Variants in BMPER observed in about 807,000 individuals in gnomAD.
BMPER encodes the protein BMP binding endothelial regulator.
A neutral mutation model predicts 87.3 loss-of-function variants in BMPER; 45 were observed. That is an observed-to-expected ratio of 0.52 (90% CI 0.41 to 0.66). The LOEUF is 0.66. BMPER is among the 30% of genes least tolerant of loss of function. The pLI, the probability that BMPER is intolerant of heterozygous loss-of-function variation, is 0.00. For missense variants in BMPER, 784 were observed against 867.5 expected (o/e 0.90, Z 1.21); for synonymous variants, 326 against 316.2 (o/e 1.03, Z -0.33).
chr7:33,973,106 C>G (rs1361573974), intron 5 of BMPER, among the ~76,000 whole-genome samples: 2 of 152,128 alleles, frequency 1.3e-5, no homozygotes, highest in Non-Finnish European at 2.9e-5. Context: ...TCATTGGGCT[C>G]TTTGCTCAGG....
At chr7:34,149,428 A>T (rs1791114320) in intron 14 of BMPER, among the ~76,000 whole-genome samples, 2 of 152,180 alleles carry the variant, frequency 1.3e-5, no homozygotes, top group Non-Finnish European at 2.9e-5. Flanking sequence ...ACCTATTTGA[A>T]GTGGGGGACA....
At chr7:34,148,255 G>C (rs1203039742) in intron 14 of BMPER, among the ~76,000 whole-genome samples, 2 of 152,090 alleles carry the variant, frequency 1.3e-5, no homozygotes, top group South Asian at 4.1e-4. Flanking sequence ...AATCAAGTTT[G>C]CTCACTTGAT....
intron 10 of BMPER, 77 bp downstream of exon 10, chr7:34,058,240 T>C (rs1788336398): frequency 1.5e-6 from 2 of 1,353,920 alleles, no homozygotes; most frequent in Non-Finnish European, 2.1e-6. Context: ...GCATGCCATC[T>C]TCCGAACACA....
intron 2 of BMPER, among the ~76,000 whole-genome samples, chr7:33,936,151 C>G (rs535833688): frequency 1.3e-5 from 2 of 152,178 alleles, no homozygotes; most frequent in Non-Finnish European, 2.9e-5. Context: ...ATACTGGGTA[C>G]ACTTGAGAAT....
intron 6 of BMPER, among the ~76,000 whole-genome samples, chr7:34,028,612 T>TG (rs1787436157): frequency 8.0e-6 from 1 of 124,620 alleles, no homozygotes; most frequent in Admixed American, 7.8e-5. Context: ...TTTTTTTTTT[T>TG]TTTTTTTTTT....
intron 7 of BMPER, among the ~76,000 whole-genome samples, chr7:34,046,669 G>A (rs1182031073): frequency 3.3e-5 from 5 of 152,134 alleles, no homozygotes; most frequent in Non-Finnish European, 7.3e-5. Context: ...TCTCCCTTGT[G>A]GTGAGAAAGT....
chr7:34,002,417 G>C (rs1032011742), intron 6 of BMPER, among the ~76,000 whole-genome samples: 2 of 151,714 alleles, frequency 1.3e-5, no homozygotes, highest in Non-Finnish European at 3.0e-5. Flanking sequence ...GTAGGCTCAG[G>C]CTAAGCTATG....
intron 6 of BMPER, among the ~76,000 whole-genome samples, chr7:33,989,742 G>T (rs896632775): frequency 1.3e-5 from 2 of 152,140 alleles, no homozygotes; most frequent in African/African-American, 4.8e-5. Context: ...GGTTTTTATG[G>T]TTTTAGGTCT....
upstream of BMPER, chr7:33,905,466 C>A (rs1376060316): frequency 8.2e-6 from 6 of 731,966 alleles, no homozygotes; most frequent in Non-Finnish European, 1.3e-5. Flanking sequence ...CACCCCCCCG[C>A]CCCCCAGCTC....
At position 34,048,187 on chromosome 7, in the gene BMPER, G is replaced by A. The variant is rs71532592; in HGVS notation, c.676+1782G>A. Among the ~76,000 whole-genome samples the A allele has an allele frequency of 3.9e-3, 599 of 151,948 alleles. 4 individuals are homozygous for A. The highest frequency in any genetic ancestry group is 5.4e-3 in the Non-Finnish European group (365 of 67,994). ...ATTTATTTTTCTCGTTCCCAAATTA[G>A]CACAGCCATACCATGAAGTCTATTT... is the stretch of plus-strand genomic sequence containing the variant. On this transcript the variant is annotated intron_variant, in intron 7 of 14. Coordinates refer to ENST00000649409, the MANE Select transcript of BMPER (RefSeq NM_001365308.1).
rs76633250 is a variant in BMPER at position 33,940,560 on chromosome 7, A to G, written c.319+3172A>G. ...GTAAACCTCTCTGTAACTCTTTTGC[A>G]TTCTGCATTCATATAGGAGAAAACA... On this transcript the variant is annotated intron_variant, in intron 3 of 14. Coordinates refer to ENST00000649409, the MANE Select transcript of BMPER (RefSeq NM_001365308.1). 2.9e-4 allele frequency among the ~76,000 whole-genome samples: 44 copies of G among 152,270 alleles called. 1 individual carries two copies. The East Asian group carries it at 7.3e-3, about 25-fold the overall frequency.
At chr7:34,127,650 C>T (rs1292076469) in intron 13 of BMPER, among the ~76,000 whole-genome samples, 2 of 152,188 alleles carry the variant, frequency 1.3e-5, no homozygotes, top group African/African-American at 2.4e-5. Context: ...CTTCTGCATC[C>T]CTCTAATTTC....
chr7:33,916,742 C>T (rs1459169597), intron 2 of BMPER, among the ~76,000 whole-genome samples: 1 of 152,172 alleles, frequency 6.6e-6, no homozygotes. Context: ...AGTGTAAGAA[C>T]CTCGTCGTGG....
intron 6 of BMPER, among the ~76,000 whole-genome samples, chr7:34,004,954 AAAGCCCCCT>A (rs1439065799): frequency 6.6e-6 from 1 of 152,136 alleles, no homozygotes; most frequent in Non-Finnish European, 1.5e-5. Flanking sequence ...GGAGCTTCTC[AAAGCCCCCT>A]ATAGACATCC....
intron 6 of BMPER, among the ~76,000 whole-genome samples, chr7:33,986,447 T>C (rs943175535): frequency 6.6e-6 from 1 of 152,252 alleles, no homozygotes; most frequent in African/African-American, 2.4e-5. Flanking sequence ...TTGATTTGAG[T>C]ATCCATGTTC....
chr7:33,961,386 C>T (rs1785267014), intron 3 of BMPER, among the ~76,000 whole-genome samples: 1 of 152,194 alleles, frequency 6.6e-6, no homozygotes, highest in South Asian at 2.1e-4. Flanking sequence ...GTCTGTACCT[C>T]AGCCAGTCTA....
chr7:33,907,796 G>C (rs909780456), intron 2 of BMPER, among the ~76,000 whole-genome samples: 2 of 152,184 alleles, frequency 1.3e-5, no homozygotes, highest in African/African-American at 4.8e-5. Flanking sequence ...GAATGATAGA[G>C]GACTACTTGT....
At chr7:34,017,767 A>C (rs1787069863) in intron 6 of BMPER, among the ~76,000 whole-genome samples, 1 of 151,896 alleles carries the variant, frequency 6.6e-6, no homozygotes, top group African/African-American at 2.4e-5. Flanking sequence ...AGGAGTTCCC[A>C]AGTAATGCTG....
At chr7:34,149,815 A>G (rs578151409) in intron 14 of BMPER, among the ~76,000 whole-genome samples, 74 of 123,032 alleles carry the variant, frequency 6.0e-4, no homozygotes, top group Middle Eastern at 7.7e-3. Flanking sequence ...TGCTTCAGTC[A>G]AGGGGTGGGT....
Sources: gnomAD v4.1 joint callset for allele counts (sites outside exome capture counted in the v4.1 genomes callset) on GRCh38, gnomAD v4.1.1 for gene constraint, MANE v1.5 for transcripts, NCBI Gene and HGNC (gene_info 2026-07-23, HGNC 2026-07-21) for gene names.